NBN: variants seen among roughly 807,000 people sequenced by gnomAD.
The protein encoded by NBN is Nijmegen breakage syndrome 1 (nibrin).
NBN carries 88 observed loss-of-function variants against 90.8 expected under a neutral mutation model. That is an observed-to-expected ratio of 0.97 (90% CI 0.82 to 1.16). The LOEUF (loss-of-function observed/expected upper bound fraction) is 1.16, where lower values mean the gene tolerates loss of function less well. Among genes scored for constraint, NBN ranks in the 50% most tolerant of loss-of-function variants. The pLI is 0.00. For synonymous variants in NBN, 328 were observed against 295.1 expected, an observed-to-expected ratio of 1.11 and a Z score of -1.14; for missense variants, 894 against 869.6, an observed-to-expected ratio of 1.03 and a Z score of -0.35.
At chr8:89,970,233 G>C in intron 7 of NBN, 131 bp downstream of exon 7, 1 of 729,414 alleles carries the variant, frequency 1.4e-6, no homozygotes, top group Non-Finnish European at 2.3e-6. Flanking sequence ...TGGGCAACAA[G>C]AGCAAGACTC....
chr8:89,984,529 T>G lies in NBN; in HGVS notation c.33A>C (p.Ala11=), dbSNP rs1554569661. 3 of 1,613,000 alleles carry G rather than the reference T, an allele frequency of 1.9e-6. No individual in the cohort carries two copies. Among genetic ancestry groups the G allele is most frequent in the Non-Finnish European group, 1.7e-6 (2 of 1,179,678 alleles). ...AGGCTTCCCTTCTGCCCTTACCTCC[T>G]GCCGGGCCCGCGGCGGGCAGCAGTT... is the stretch of plus-strand genomic sequence containing the variant. MWKLLPAAGP[A]GGEPYRLLTG... Residue 11 remains alanine (A), a synonymous_variant, in exon 1 of 16, where the codon GCA becomes GCC. Transcript: ENST00000265433.
chr8:89,935,504 T>C lies in NBN; in HGVS notation c.*78A>G. 1 of 1,555,002 alleles carries C rather than the reference T, an allele frequency of 6.4e-7. No individual in the cohort carries two copies. Among genetic ancestry groups the C allele is most frequent in the Non-Finnish European group, 8.9e-7 (1 of 1,129,472 alleles). ...TAACTTAAATCGCTTCTATACACTA[T>C]ATATTCATATAACCTTGTTGGCCTG... On this transcript the variant is annotated 3_prime_UTR_variant, in exon 16 of 16. Transcript: ENST00000265433.
intron 10 of NBN, among the ~76,000 whole-genome samples, chr8:89,954,579 G>GT (rs2129711215): frequency 6.6e-6 from 1 of 151,708 alleles, no homozygotes; most frequent in East Asian, 1.9e-4. Flanking sequence ...GACAGAAAAA[G>GT]TTTTTAGGTC....
intron 1 of NBN, among the ~76,000 whole-genome samples, chr8:89,983,146 A>T (rs1000707009): frequency 6.6e-6 from 1 of 152,196 alleles, no homozygotes; most frequent in South Asian, 2.1e-4. Flanking sequence ...AACAGATAGA[A>T]GGCTACATCA....
At chr8:89,982,953 A>G in intron 1 of NBN, 98 bp from the exon 2 acceptor site, 1 of 1,245,874 alleles carries the variant, frequency 8.0e-7, no homozygotes, top group Non-Finnish European at 1.1e-6. Flanking sequence ...TATAGGTATG[A>G]CAAATATTAA....
rs73696850 is a variant in NBN, at chr8:89,981,117, A to G, written c.321-224T>C. 0.023 allele frequency among the ~76,000 whole-genome samples: 3,427 copies of G among 152,258 alleles called. 126 individuals carry two copies. The highest frequency in any genetic ancestry group is 0.077 in the African/African-American group (3,197 of 41,522). On this transcript the variant is annotated intron_variant, in intron 3 of 15. Transcript: ENST00000265433. ...GAGTCCAAATGAAGAAAAAACAATG[A>G]CCAAAAGTTAACATTATACCTTCAC...
chr8:89,955,306 G>A lies in NBN; in HGVS notation c.1374C>T (p.Tyr458=), dbSNP rs2129717018. The change falls in exon 10 of 16, where the codon TAC becomes TAT. Residue 458 remains tyrosine, a synonymous_variant. Coordinates refer to ENST00000265433, the MANE Select transcript of NBN (RefSeq NM_002485.5). ...QQQQTNSIRN[Y]FQPSTKKRER... The stretch of plus-strand genomic sequence containing the variant: ...ACCTTTTTTTGGTAGACGGCTGAAA[G>A]TAGTTTCTGATGGAGTTGGTCTGCT... The A allele has an allele frequency of 1.2e-6, 2 of 1,613,794 alleles. No individual in the cohort carries two copies. The highest frequency in any genetic ancestry group is 1.1e-5 in the South Asian group (1 of 91,072).
chr8:89,938,373 C>T lies in NBN; in HGVS notation c.2185-1298G>A, dbSNP rs184139208. 4.2e-3 allele frequency among the ~76,000 whole-genome samples: 640 copies of T among 152,234 alleles called. 5 individuals carry two copies. The highest frequency in any genetic ancestry group is 0.015 in the African/African-American group (605 of 41,528). The stretch of plus-strand genomic sequence containing the variant: ...GTTGCAGTTTCCAAAAACCTACTGA[C>T]AATGTTAAGGACTTACTGTGTTTAT... On this transcript the variant is annotated intron_variant, in intron 14 of 15. Transcript: ENST00000265433.
rs199893749 is a variant in NBN at position 89,984,562 on chromosome 8, C to A, written c.-1G>T. 1 of 1,613,092 alleles carries A rather than the reference C, an allele frequency of 6.2e-7. No individual in the cohort carries two copies. The highest frequency in any genetic ancestry group is 2.2e-5 in the East Asian group (1 of 44,866). ...CCGCGGCGGGCAGCAGTTTCCACATCGGTCCGGCTCCTCAGGGCTGGGGCC... is the reference window on the plus strand; with the variant it reads ...CCGCGGCGGGCAGCAGTTTCCACATAGGTCCGGCTCCTCAGGGCTGGGGCC... On this transcript the variant is annotated 5_prime_UTR_variant, in exon 1 of 16. Transcript: ENST00000265433.
chr8:89,981,097 C>T (rs1314180041), intron 3 of NBN, among the ~76,000 whole-genome samples: 1 of 152,004 alleles, frequency 6.6e-6, no homozygotes, highest in African/African-American at 2.4e-5. Context: ...GTCTTGAGTC[C>T]AAATGAAGAA....
chr8:89,950,179 CAGTGATTTAACTTGTAGT>C (rs1466797642), intron 11 of NBN, among the ~76,000 whole-genome samples: 1 of 152,146 alleles, frequency 6.6e-6, no homozygotes, highest in African/African-American at 2.4e-5. Flanking sequence ...TGCTGGAATA[CAGTGATTTAACTTGTAGT>C]AGTCATCCCT....
In NBN at chr8:89,984,478, A is replaced by G. The variant is rs757158316; in HGVS notation, c.37+47T>C. 6 of 1,562,292 alleles carry G rather than the reference A, an allele frequency of 3.8e-6. No individual in the cohort carries two copies. In the Admixed American group the frequency reaches 1.0e-4, roughly 26 times the overall value. ...TCACCCGCAGGCCCTCCCCCGAGGC[A>G]GTCGCTACCGGGAAAATAGGCCCCG... is the stretch of plus-strand genomic sequence containing the variant. On this transcript the variant is annotated intron_variant, in intron 1 of 15. Coordinates refer to ENST00000265433, the MANE Select transcript of NBN (RefSeq NM_002485.5).
chr8:89,942,066 C>T (rs6470521), intron 14 of NBN, among the ~76,000 whole-genome samples: 9,619 of 152,060 alleles, frequency 0.063, 914 homozygotes, highest in African/African-American at 0.21. Context: ...AATGTCTATA[C>T]GGGGTATGAG....
In NBN at chr8:89,978,280, T is replaced by C; in HGVS notation, c.524A>G (p.Glu175Gly). 6.2e-7 allele frequency: 1 copy of C among 1,600,158 alleles called. No individual in the cohort carries two copies. Among genetic ancestry groups the C allele is most frequent in the Non-Finnish European group, 8.6e-7 (1 of 1,167,494 alleles). ...LICGRPIVKP[E>G]YFTEFLKAVE... ...TGCTTTCAGGAATTCAGTAAAATAT[T>C]CTGGCTTTACAATTGGACGTCCACA... Residue 175 changes from glutamate (E) to glycine (G), a missense_variant, in exon 5 of 16, where the codon GAA (glutamate) becomes GGA (glycine). By Grantham distance (98) the Glu-to-Gly change is moderately conservative. Coordinates refer to ENST00000265433, the MANE Select transcript of NBN (RefSeq NM_002485.5).
chr8:89,966,133 T>C (rs1282643447), intron 7 of NBN, among the ~76,000 whole-genome samples: 1 of 152,226 alleles, frequency 6.6e-6, no homozygotes, highest in Non-Finnish European at 1.5e-5. Flanking sequence ...ACTGGAAGCA[T>C]TTATTTTAAA....
intron 13 of NBN, 114 bp from the exon 14 acceptor site, chr8:89,943,480 T>C: frequency 9.2e-7 from 1 of 1,092,630 alleles, no homozygotes; most frequent in Non-Finnish European, 1.3e-6. Context: ...CAAAGATGTT[T>C]ATATTCTACA....
chr8:89,947,902 T>C lies in NBN; in HGVS notation c.1846-10A>G, dbSNP rs2129660939. 1 of 1,511,984 alleles carries C rather than the reference T, an allele frequency of 6.6e-7. No individual in the cohort carries two copies. Among genetic ancestry groups the C allele is most frequent in the South Asian group, 1.2e-5 (1 of 85,204 alleles). 93.7% of individuals were successfully genotyped at this position (1,511,984 alleles called of 1,614,324 possible). A position where few individuals can be genotyped will look rare whatever the true frequency, so the allele number is the denominator to read the frequency against. On this transcript the variant is annotated splice_polypyrimidine_tract_variant and intron_variant, in intron 11 of 15. Transcript: ENST00000265433. ...CAATTTCATTTTCTTGCTAAAGAAATAAAATAAAAAATACTGTTCATAGGA... is the reference window on the plus strand; with the variant it reads ...CAATTTCATTTTCTTGCTAAAGAAACAAAATAAAAAATACTGTTCATAGGA...
Position 89,979,807 on chromosome 8 carries a change from CTG to C in NBN, c.480+925_480+926del, listed in dbSNP as rs1811968523. ...TCCCACTCGCTGGAAGTGTCCAGGTCTGTCACAGATGTAGTAAAATATCTCTC... is the reference window on the plus strand; with the variant it reads ...TCCCACTCGCTGGAAGTGTCCAGGTCTCACAGATGTAGTAAAATATCTCTC... On this transcript the variant is annotated intron_variant, in intron 4 of 15. Transcript: ENST00000265433. 2.6e-5 allele frequency among the ~76,000 whole-genome samples: 4 copies of C among 152,294 alleles called. No individual in the cohort carries two copies. In the South Asian group the frequency reaches 8.3e-4, roughly 32 times the overall value.
In NBN at chr8:89,935,718, G is replaced by C. The variant is rs13312974; in HGVS notation, c.2235-106C>G. ...AGTCACACTTTGGCAAATAGGATGG[G>C]AATGACAATTTTGTCCTTAGGATCA... On this transcript the variant is annotated intron_variant, in intron 15 of 15. Transcript: ENST00000265433. The C allele has an allele frequency of 8.9e-5, 124 of 1,388,244 alleles. 1 individual carries two copies. The Admixed American group carries it at 2.2e-3, about 25-fold the overall frequency. 86.0% of individuals were successfully genotyped at this position (1,388,244 alleles called of 1,614,324 possible).
Sources: gnomAD v4.1 joint callset for allele counts (sites outside exome capture counted in the v4.1 genomes callset) on GRCh38, gnomAD v4.1.1 for gene constraint, MANE v1.5 for transcripts, NCBI Gene and HGNC (gene_info 2026-07-23, HGNC 2026-07-21) for gene names.